Variants in PRKN observed in about 807,000 individuals in gnomAD.
PRKN encodes parkin RBR E3 ubiquitin protein ligase.
A neutral mutation model predicts 59.5 loss-of-function variants in PRKN; 56 were observed. The observed-to-expected ratio is 0.94, with a 90% CI of 0.76 to 1.18. The LOEUF is 1.18. Among genes scored for constraint, PRKN ranks in the 50% most tolerant of loss-of-function variants. PRKN has a pLI of 0.00. For synonymous variants in PRKN, 250 were observed against 222.1 expected (o/e 1.13, Z -1.12); for missense variants, 657 against 596.4 (o/e 1.10, Z -1.06).
intron 1 of PRKN, among the ~76,000 whole-genome samples, chr6:162,555,635 C>CA (rs36086989): frequency 0.56 from 84,415 of 150,178 alleles, 25,342 homozygotes; most frequent in Middle Eastern, 0.69. Context: ...GAAAAAAATA[C>CA]AAAAAAAAAA....
chr6:161,907,178 T>G (rs1778181799), intron 6 of PRKN, among the ~76,000 whole-genome samples: 1 of 152,214 alleles, frequency 6.6e-6, no homozygotes, highest in South Asian at 2.1e-4. Flanking sequence ...TCTCTGCCCT[T>G]ATGGATAAAG....
At chr6:162,482,247 A>T (rs941210969) in intron 1 of PRKN, among the ~76,000 whole-genome samples, 1 of 152,206 alleles carries the variant, frequency 6.6e-6, no homozygotes, top group African/African-American at 2.4e-5. Flanking sequence ...AAATATTTAA[A>T]ACACTGTGGC....
intron 7 of PRKN, among the ~76,000 whole-genome samples, chr6:161,647,999 ATC>A (rs1209838902): frequency 6.6e-6 from 1 of 152,174 alleles, no homozygotes; most frequent in Non-Finnish European, 1.5e-5. Flanking sequence ...TTGCTATTTC[ATC>A]TCTTTGTTTA....
At chr6:161,766,598 AC>A (rs1168752533) in intron 7 of PRKN, among the ~76,000 whole-genome samples, 4 of 150,494 alleles carry the variant, frequency 2.7e-5, no homozygotes, top group African/African-American at 9.8e-5. Context: ...TTTATGGACA[AC>A]CCCTCCCCAC....
chr6:162,456,249 ATAAG>A (rs1404948353), intron 1 of PRKN, among the ~76,000 whole-genome samples: 4 of 152,180 alleles, frequency 2.6e-5, no homozygotes, highest in Non-Finnish European at 5.9e-5. Context: ...CATTCCAGCA[ATAAG>A]TAAGATTCAT....
intron 2 of PRKN, among the ~76,000 whole-genome samples, chr6:162,292,050 G>A (rs1205159914): frequency 6.8e-6 from 1 of 147,342 alleles, no homozygotes; most frequent in East Asian, 2.0e-4. Context: ...TGCCACCTCT[G>A]CCTCCCACAT....
At chr6:161,636,510 C>A (rs1365742022) in intron 7 of PRKN, among the ~76,000 whole-genome samples, 1 of 152,188 alleles carries the variant, frequency 6.6e-6, no homozygotes, top group Non-Finnish European at 1.5e-5. Flanking sequence ...GGAGCGTGGT[C>A]CTTAATGCAC....
intron 2 of PRKN, among the ~76,000 whole-genome samples, chr6:162,308,198 T>C (rs898425830): frequency 1.3e-5 from 2 of 150,872 alleles, no homozygotes; most frequent in Non-Finnish European, 3.0e-5. Flanking sequence ...CACGTTTTAT[T>C]TCCTGATCGA....
intron 2 of PRKN, among the ~76,000 whole-genome samples, chr6:162,366,029 A>G (rs1785420855): frequency 6.6e-6 from 1 of 152,180 alleles, no homozygotes; most frequent in African/African-American, 2.4e-5. Context: ...ATTTGTACAC[A>G]CAAAATATTG....
At chr6:161,416,463 A>G (rs144461014) in intron 9 of PRKN, among the ~76,000 whole-genome samples, 13 of 152,200 alleles carry the variant, frequency 8.5e-5, no homozygotes, top group Admixed American at 3.3e-4. Context: ...TGTTGAATAA[A>G]TGTGTGAATG....
chr6:161,568,100 G>A (rs1000766424), intron 8 of PRKN, among the ~76,000 whole-genome samples: 1 of 152,224 alleles, frequency 6.6e-6, no homozygotes, highest in Non-Finnish European at 1.5e-5. Context: ...GGATGTGGCA[G>A]TGATTCCAGT....
At chr6:162,048,475 G>A (rs974544891) in intron 5 of PRKN, among the ~76,000 whole-genome samples, 1 of 151,952 alleles carries the variant, frequency 6.6e-6, no homozygotes, top group African/African-American at 2.4e-5. Context: ...GGACCTCAGT[G>A]TTACGAGTTA....
chr6:161,368,683 C>T (rs971823735), intron 10 of PRKN, among the ~76,000 whole-genome samples: 1 of 151,362 alleles, frequency 6.6e-6, no homozygotes, highest in African/African-American at 2.4e-5. Context: ...TGCCTGCTTC[C>T]CCTGGCACCA....
chr6:161,704,903 C>G (rs910460710), intron 7 of PRKN, among the ~76,000 whole-genome samples: 3 of 152,170 alleles, frequency 2.0e-5, no homozygotes, highest in Admixed American at 1.3e-4. Flanking sequence ...TACATATGTG[C>G]TTTAGAATCT....
intron 6 of PRKN, among the ~76,000 whole-genome samples, chr6:161,839,017 G>A (rs992363501): frequency 6.6e-6 from 1 of 152,142 alleles, no homozygotes; most frequent in Non-Finnish European, 1.5e-5. Flanking sequence ...GGGCGAGGTG[G>A]GGGGAGGAGC....
Position 161,459,108 on chromosome 6 carries a change from C to T in PRKN, c.1084-72231G>A, listed in dbSNP as rs566636332. ...CTGACAGCCAGGGCCTTGTTAGTGG[C>T]CCAGTAGCCAAAAGAAGCTACTTTC... On this transcript the variant is annotated intron_variant, in intron 9 of 11. Coordinates refer to ENST00000366898, the MANE Select transcript of PRKN (RefSeq NM_004562.3). The surrounding 1 kb of genome is among the most constrained non-coding windows in gnomAD (Gnocchi z 4.8). 1.3e-5 allele frequency among the ~76,000 whole-genome samples: 2 copies of T among 152,224 alleles called. No homozygotes were observed. The highest frequency in any genetic ancestry group is 4.8e-5 in the African/African-American group (2 of 41,540).
intron 2 of PRKN, among the ~76,000 whole-genome samples, chr6:162,417,371 C>T (rs1048863126): frequency 6.6e-5 from 10 of 152,180 alleles, no homozygotes; most frequent in Admixed American, 3.9e-4. Flanking sequence ...CCCCGGCAGC[C>T]GGGCATCCCC....
intron 4 of PRKN, among the ~76,000 whole-genome samples, chr6:162,194,697 A>G (rs1784423767): frequency 6.6e-6 from 1 of 152,070 alleles, no homozygotes; most frequent in Non-Finnish European, 1.5e-5. Context: ...CCTTTTTTAT[A>G]TGTTTATTTT....
Position 161,480,762 on chromosome 6 carries a change from G to A in PRKN, c.1083+68092C>T, listed in dbSNP as rs148979097. 3.8e-4 allele frequency among the ~76,000 whole-genome samples: 58 copies of A among 152,298 alleles called. No individual in the cohort carries two copies. The highest frequency in any genetic ancestry group is 1.3e-3 in the African/African-American group (56 of 41,546). On this transcript the variant is annotated intron_variant, in intron 9 of 11. Transcript: ENST00000366898. The surrounding 1 kb of genome is among the most constrained non-coding windows in gnomAD (Gnocchi z 4.1). ...CCAGAAAGTATAATTAGTAATTTCA[G>A]GCCTTATCTGAAATACCTGCCTCAG...
Sources: gnomAD v4.1 joint callset for allele counts (sites outside exome capture counted in the v4.1 genomes callset) on GRCh38, gnomAD v4.1.1 for gene constraint, Gnocchi (gnomAD v3.1) non-coding constraint, MANE v1.5 for transcripts, NCBI Gene and HGNC (gene_info 2026-07-23, HGNC 2026-07-21) for gene names.